NCOA1: variants seen among roughly 807,000 people sequenced by gnomAD.
NCOA1 encodes the protein Hin-2 protein.
Under a neutral mutation model 150.9 loss-of-function variants are expected in NCOA1, and 35 were observed. The ratio of observed to expected loss-of-function variants is 0.23; its 90% CI spans 0.18 to 0.31. The LOEUF (loss-of-function observed/expected upper bound fraction) is 0.31. Ranked by LOEUF, NCOA1 falls within the 10% of genes least tolerant of loss-of-function variation. NCOA1 has a pLI of 1.00. For synonymous variants in NCOA1, 590 were observed against 630.0 expected (o/e 0.94, Z 0.95); for missense variants, 1,491 against 1,749.3 (o/e 0.85, Z 2.63).
intron 1 of NCOA1, among the ~76,000 whole-genome samples, chr2:24,519,085 A>G (rs1462232276): frequency 3.3e-5 from 5 of 152,252 alleles, no homozygotes; most frequent in Admixed American, 3.3e-4. Context: ...TTATAAAACT[A>G]TAGTAATCAC....
At chr2:24,638,844 G>C (rs1441105304) in intron 3 of NCOA1, among the ~76,000 whole-genome samples, 2 of 151,990 alleles carry the variant, frequency 1.3e-5, no homozygotes, top group East Asian at 1.9e-4. Context: ...TTTAAAATCA[G>C]ATTGTTGTTG....
chr2:24,702,873 A>G (rs1673230163), intron 11 of NCOA1, among the ~76,000 whole-genome samples: 1 of 152,234 alleles, frequency 6.6e-6, no homozygotes. Context: ...GCAAATGTTT[A>G]TTGAACCAAC....
chr2:24,575,596 C>CA (rs1309030250), intron 2 of NCOA1, among the ~76,000 whole-genome samples: 1 of 135,804 alleles, frequency 7.4e-6, no homozygotes, highest in East Asian at 2.2e-4. Flanking sequence ...TTTTTTGAGA[C>CA]AGAGTCTCGC....
At chr2:24,698,082 A>G (rs891414576) in intron 11 of NCOA1, among the ~76,000 whole-genome samples, 2 of 152,136 alleles carry the variant, frequency 1.3e-5, no homozygotes, top group Non-Finnish European at 2.9e-5. Context: ...AGAACACTAT[A>G]TAAGGTGCCA....
chr2:24,718,669 T>TAA (rs537982492), intron 14 of NCOA1, among the ~76,000 whole-genome samples: 6 of 127,310 alleles, frequency 4.7e-5, no homozygotes, highest in Non-Finnish European at 8.3e-5. Context: ...CCATCTCTAC[T>TAA]AAAAAAAAAT....
At chr2:24,499,405 A>C (rs1663360016) in intron 1 of NCOA1, among the ~76,000 whole-genome samples, 1 of 152,220 alleles carries the variant, frequency 6.6e-6, no homozygotes, top group South Asian at 2.1e-4. Context: ...GCAATATTCC[A>C]ACATTCCTCC....
At position 24,682,277 on chromosome 2, in the gene NCOA1, T is replaced by A. The variant is rs139501974; in HGVS notation, c.355-674T>A. ...TAAGTAAGGTGCCACAGTCAACCTC[T>A]GCATTCTGGCTCTTCCTCGGGATAC... On this transcript the variant is annotated intron_variant, in intron 7 of 22. Transcript: ENST00000348332. 2.0e-5 allele frequency among the ~76,000 whole-genome samples: 3 copies of A among 152,366 alleles called. No homozygotes were observed. In the East Asian group the frequency reaches 5.8e-4, roughly 29 times the overall value.
intron 1 of NCOA1, among the ~76,000 whole-genome samples, chr2:24,507,346 G>C (rs891360939): frequency 9.2e-5 from 14 of 151,616 alleles, no homozygotes; most frequent in Non-Finnish European, 1.5e-5. Context: ...GTCTCCACAA[G>C]GTGGTTGTGA....
At chr2:24,558,195 C>T (rs190454096) in intron 1 of NCOA1, among the ~76,000 whole-genome samples, 149 of 152,004 alleles carry the variant, frequency 9.8e-4, no homozygotes, top group Admixed American at 3.5e-3. Context: ...TTTTATTGAC[C>T]TGTATGCAAG....
At chr2:24,527,182 C>T (rs1664687401) in intron 1 of NCOA1, among the ~76,000 whole-genome samples, 1 of 152,114 alleles carries the variant, frequency 6.6e-6, no homozygotes, top group African/African-American at 2.4e-5. Context: ...GAGCAGCTAT[C>T]ATCTATCTAC....
At chr2:24,724,432 G>A (rs1015120151) in intron 14 of NCOA1, among the ~76,000 whole-genome samples, 1 of 152,142 alleles carries the variant, frequency 6.6e-6, no homozygotes, top group African/African-American at 2.4e-5. Flanking sequence ...AGTTTCTAAA[G>A]AAAGTCGCAA....
intron 9 of NCOA1, among the ~76,000 whole-genome samples, chr2:24,692,292 T>C (rs961210008): frequency 1.3e-5 from 2 of 152,166 alleles, no homozygotes; most frequent in African/African-American, 2.4e-5. Flanking sequence ...AAGAAAGCCA[T>C]GTATGTAGCA....
At chr2:24,603,316 G>A (rs1264339474) in intron 3 of NCOA1, among the ~76,000 whole-genome samples, 1 of 152,194 alleles carries the variant, frequency 6.6e-6, no homozygotes, top group African/African-American at 2.4e-5. Context: ...GACTAATCAG[G>A]ATGGTGGTTG....
At chr2:24,494,551 C>G (rs146136636) in intron 1 of NCOA1, among the ~76,000 whole-genome samples, 1 of 152,290 alleles carries the variant, frequency 6.6e-6, no homozygotes, top group East Asian at 1.9e-4. Context: ...CCCCGGGACG[C>G]TCATGATTGT....
chr2:24,731,366 A>G, intron 17 of NCOA1, among the ~76,000 whole-genome samples: 1 of 152,110 alleles, frequency 6.6e-6, no homozygotes, highest in East Asian at 1.9e-4. Context: ...CTAATAAAGA[A>G]CTCCTTTCCC....
chr2:24,746,199 G>A (rs1663908297), intron 19 of NCOA1, among the ~76,000 whole-genome samples: 1 of 152,218 alleles, frequency 6.6e-6, no homozygotes, highest in Non-Finnish European at 1.5e-5. Context: ...AGTTGCCACT[G>A]TCACATGTCT....
chr2:24,653,522 G>A (rs1670796141), intron 4 of NCOA1, among the ~76,000 whole-genome samples: 1 of 152,052 alleles, frequency 6.6e-6, no homozygotes, highest in Non-Finnish European at 1.5e-5. Flanking sequence ...TGTTGTATTA[G>A]TAAGATAGGT....
In NCOA1 at chr2:24,720,714, A is replaced by G. The variant is rs573765630; in HGVS notation, c.2600-5875A>G. Among the ~76,000 whole-genome samples the G allele has an allele frequency of 2.6e-5, 4 of 152,344 alleles. No individual in the cohort carries two copies. In the South Asian group the frequency reaches 8.3e-4, roughly 32 times the overall value. ...AGAATTAAGGATTGCAGAAGGAAAA[A>G]GAAAGAAAAAAGATGGGAACAAAAA... On this transcript the variant is annotated intron_variant, in intron 14 of 22. Coordinates refer to ENST00000348332, the MANE Select transcript of NCOA1 (RefSeq NM_003743.5).
chr2:24,528,531 A>G (rs1320028964), intron 1 of NCOA1, among the ~76,000 whole-genome samples: 1 of 151,316 alleles, frequency 6.6e-6, no homozygotes, highest in African/African-American at 2.4e-5. Flanking sequence ...ATTTTTTTGT[A>G]GAGATGGGGT....
Sources: gnomAD v4.1 joint callset for allele counts (sites outside exome capture counted in the v4.1 genomes callset) on GRCh38, gnomAD v4.1.1 for gene constraint, MANE v1.5 for transcripts, NCBI Gene and HGNC (gene_info 2026-07-23, HGNC 2026-07-21) for gene names.